The following THRA variants were observed in gnomAD, a reference collection of about 807,000 sequenced individuals.
THRA encodes thyroid hormone receptor alpha, also known as EAR-7.
THRA carries 13 observed loss-of-function variants against 45.0 expected under a neutral mutation model. The observed-to-expected ratio is 0.29, with a 90% CI of 0.19 to 0.46. THRA has a LOEUF of 0.46. THRA is among the 20% of genes least tolerant of loss of function. The probability of loss-of-function intolerance (pLI) is 1.00; values close to 1 mark genes in which losing one functional copy is unlikely to be tolerated. For missense variants in THRA, 278 were observed against 556.1 expected (o/e 0.50, Z 5.03); for synonymous variants, 195 against 214.0 (o/e 0.91, Z 0.78).
chr17:40,077,710 T>G (rs1021657038), intron 4 of THRA, 102 bp downstream of exon 4: 79 of 921,054 alleles, frequency 8.6e-5, no homozygotes, highest in Non-Finnish European at 1.1e-4. Context: ...TTTTTTTTTT[T>G]CTTTGAGACG....
In THRA at chr17:40,074,443, C is replaced by T; in HGVS notation, c.-46C>T. ...GCCGGGGGGGCCAGTGTGCCCACCCCAGTCTCTTGGCGTGCTGGAGGGCAT... is the reference window on the plus strand; with the variant it reads ...GCCGGGGGGGCCAGTGTGCCCACCCTAGTCTCTTGGCGTGCTGGAGGGCAT... On this transcript the variant is annotated 5_prime_UTR_variant, in exon 2 of 9. Transcript: ENST00000450525. The T allele has an allele frequency of 6.2e-7, 1 of 1,611,760 alleles. No homozygotes were observed. The highest frequency in any genetic ancestry group is 8.5e-7 in the Non-Finnish European group (1 of 1,178,168).
chr17:40,084,647 G>A lies in THRA; in HGVS notation c.408G>A (p.Lys136=), dbSNP rs934633703. The A allele has an allele frequency of 2.5e-6, 4 of 1,614,056 alleles. No individual in the cohort carries two copies. The highest frequency in any genetic ancestry group is 3.4e-6 in the Non-Finnish European group (4 of 1,180,030). ...ACTCGAAGCGGGTGGCCAAGCGTAA[G>A]CTGATTGAGCAGAACCGGGAGCGGC... is the stretch of plus-strand genomic sequence containing the variant. ...LDDSKRVAKR[K]LIEQNRERRR... is the part of the protein sequence containing the mutation. Residue 136 remains lysine, a synonymous_variant, in exon 6 of 9, where the codon AAG becomes AAA. Coordinates refer to ENST00000450525, the MANE Select transcript of THRA (RefSeq NM_199334.5).
Position 40,088,369 on chromosome 17 carries a change from G to A in THRA, c.851G>A (p.Arg284Gln), listed in dbSNP as rs1987407658. 3 of 1,614,156 alleles carry A rather than the reference G, an allele frequency of 1.9e-6. No individual in the cohort carries two copies. The highest frequency in any genetic ancestry group is 1.7e-6 in the Non-Finnish European group (2 of 1,179,996). The change falls in exon 8 of 9, where the codon CGG becomes CAG. Residue 284 changes from arginine (R) to glutamine (Q), a missense_variant. Arg to Gln is a conservative substitution (Grantham distance 43). Coordinates refer to ENST00000450525, the MANE Select transcript of THRA (RefSeq NM_199334.5). The part of the protein sequence containing the change: ...LTLSGEMAVK[R>Q]EQLKNGGLGV... The stretch of plus-strand genomic sequence containing the variant: ...CTGAGTGGGGAGATGGCTGTCAAGC[G>A]GGAGCAGCTCAAGAATGGCGGCCTG...
At position 40,089,013 on chromosome 17, in the gene THRA, C is replaced by T. The variant is rs114642080; in HGVS notation, c.983-193C>T. Among the ~76,000 whole-genome samples the T allele has an allele frequency of 0.066, 9,364 of 141,138 alleles. 574 individuals are homozygous for T. Among genetic ancestry groups the T allele is most frequent in the African/African-American group, 0.14 (5,094 of 36,722 alleles). 92.6% of individuals were successfully genotyped at this position (141,138 alleles called of 152,430 possible). On this transcript the variant is annotated intron_variant, in intron 8 of 8. Transcript: ENST00000450525. The surrounding 1 kb of genome is among the most constrained non-coding windows in gnomAD (Gnocchi z 6.1). ...CCCAGTACCCCCCTGCCCCTCTCCA[C>T]TTCCCAGCTGCCTCCCTCTCCCTGT... is the stretch of plus-strand genomic sequence containing the variant.
chr17:40,072,592 C>CACAG (rs902158963), intron 1 of THRA, among the ~76,000 whole-genome samples: 5 of 152,228 alleles, frequency 3.3e-5, no homozygotes, highest in Admixed American at 2.0e-4. Flanking sequence ...GACATTCAGA[C>CACAG]ACAGACAGAC....
downstream of THRA, chr17:40,093,413 A>C: frequency 1.3e-6 from 2 of 1,596,554 alleles, no homozygotes; most frequent in Non-Finnish European, 1.7e-6. This position sits in a 1 kb window ranked among gnomAD's most constrained non-coding sequence, Gnocchi z 5.9. Flanking sequence ...GGGAAGGAGA[A>C]GGAGTGCCAT....
chr17:40,093,545 T>C (rs1987672194), downstream of THRA: 6 of 1,139,220 alleles, frequency 5.3e-6, no homozygotes, highest in East Asian at 1.0e-4. This position sits in a 1 kb window ranked among gnomAD's most constrained non-coding sequence, Gnocchi z 5.9. Context: ...AGGCCAAACA[T>C]GGCCAGACTC....
chr17:40,084,205 G>A (rs1412170945), intron 5 of THRA, among the ~76,000 whole-genome samples: 2 of 152,100 alleles, frequency 1.3e-5, no homozygotes, highest in East Asian at 1.9e-4. Flanking sequence ...TACAACACTC[G>A]AGGGCCTTAG....
chr17:40,063,539 A>G (rs1174300483), intron 1 of THRA, among the ~76,000 whole-genome samples: 1 of 150,594 alleles, frequency 6.6e-6, no homozygotes, highest in Non-Finnish European at 1.5e-5. Context: ...AGCTGCCTCC[A>G]GCTGCGGAGG....
At chr17:40,088,635 C>A (rs2145085642) in intron 8 of THRA, 135 bp downstream of exon 8, 2 of 1,124,160 alleles carry the variant, frequency 1.8e-6, no homozygotes, top group East Asian at 2.4e-5. Context: ...CATCCCCTAT[C>A]CCCTGTTCCT....
At chr17:40,086,938 G>T (rs1987339790) in intron 7 of THRA, 85 bp downstream of exon 7, 2 of 1,572,082 alleles carry the variant, frequency 1.3e-6, no homozygotes, top group African/African-American at 1.3e-5. Context: ...CTCATCTGAG[G>T]TTCTCTGGAC....
At chr17:40,068,846 GA>G (rs1399343475) in intron 1 of THRA, 1 of 152,420 alleles carries the variant, frequency 6.6e-6, no homozygotes, top group Non-Finnish European at 1.5e-5. Flanking sequence ...GGAAACAGGG[GA>G]ACCGAGGCTT....
rs372655700 is a variant in THRA at position 40,072,898 on chromosome 17, C to G, written c.-297-1294C>G. On this transcript the variant is annotated intron_variant, in intron 1 of 8. Transcript: ENST00000450525. ...CTAAGGCTCCCTGCTCATGCCCCCC[C>G]ACCCCAGTCTCCTGTCCAGCCCCCA... 1.4e-4 allele frequency among the ~76,000 whole-genome samples: 22 copies of G among 152,280 alleles called. 1 individual carries two copies. In the East Asian group the frequency reaches 2.9e-3, roughly 20 times the overall value.
chr17:40,092,988 T>A lies in THRA; in HGVS notation c.*3532T>A. On this transcript the variant is annotated 3_prime_UTR_variant, in exon 9 of 9. Transcript: ENST00000450525. ...TATTTTATAACAATATAAATAAGAT[T>A]CTGGTTTGCTTTTCCTTTTCGTCTC... 6.3e-7 allele frequency: 1 copy of A among 1,596,088 alleles called. No homozygotes were observed. The highest frequency in any genetic ancestry group is 1.1e-5 in the South Asian group (1 of 90,434).
downstream of THRA, chr17:40,093,064 A>C (rs1264888697): frequency 6.2e-7 from 1 of 1,614,170 alleles, no homozygotes; most frequent in Non-Finnish European, 8.5e-7. This position sits in a 1 kb window ranked among gnomAD's most constrained non-coding sequence, Gnocchi z 5.9. Flanking sequence ...GGGCAGCGGC[A>C]GAAGGCCGGC....
downstream of THRA, chr17:40,093,826 TG>T: frequency 8.1e-7 from 1 of 1,239,066 alleles, no homozygotes; most frequent in Non-Finnish European, 1.2e-6. This position sits in a 1 kb window ranked among gnomAD's most constrained non-coding sequence, Gnocchi z 5.9. Flanking sequence ...GTGCAGGGCC[TG>T]GCATAGAGTA....
At chr17:40,069,602 G>A (rs1347491896) in intron 1 of THRA, among the ~76,000 whole-genome samples, 1 of 152,066 alleles carries the variant, frequency 6.6e-6, no homozygotes, top group Non-Finnish European at 1.5e-5. Context: ...GCTGGGGGAG[G>A]GTGGGGAGAA....
chr17:40,080,275 C>T (rs895114526), intron 4 of THRA, among the ~76,000 whole-genome samples: 1 of 151,946 alleles, frequency 6.6e-6, no homozygotes, highest in African/African-American at 2.4e-5. Context: ...GTGGTGCACA[C>T]ACACCTGTGG....
chr17:40,063,836 C>T (rs1986455489), intron 1 of THRA, among the ~76,000 whole-genome samples: 1 of 151,848 alleles, frequency 6.6e-6, no homozygotes, highest in Admixed American at 6.6e-5. Context: ...CCTTCTCCAT[C>T]TGGGGCCCTC....
Sources: allele counts gnomAD v4.1 joint callset (sites outside exome capture counted in the v4.1 genomes callset), GRCh38; gene constraint gnomAD v4.1.1; non-coding constraint Gnocchi (gnomAD v3.1); transcripts MANE v1.5; gene names NCBI Gene and HGNC (gene_info 2026-07-23, HGNC 2026-07-21).